Variants in SS18L1 observed in about 807,000 individuals in gnomAD.
The protein encoded by SS18L1 is calcium-responsive transactivator.
In SS18L1, 32 loss-of-function variants were observed where a neutral mutation model predicts 70.3. The observed-to-expected ratio is 0.46, with a 90% CI of 0.34 to 0.61. The LOEUF (loss-of-function observed/expected upper bound fraction) is 0.61. Ranked by LOEUF, SS18L1 falls within the 20% of genes least tolerant of loss-of-function variation. The pLI, the probability that SS18L1 is intolerant of heterozygous loss-of-function variation, is 0.01. For synonymous variants in SS18L1, 237 were observed against 229.7 expected (o/e 1.03, Z -0.29); for missense variants, 430 against 542.1 (o/e 0.79, Z 2.05).
At chr20:62,164,361 G>C (rs2057389828) in intron 7 of SS18L1, 115 bp downstream of exon 7, 1 of 1,112,484 alleles carries the variant, frequency 9.0e-7, no homozygotes, top group East Asian at 2.6e-5. Flanking sequence ...AGTCATTCCA[G>C]CTCAGGCCTG....
chr20:62,182,232 T>G lies in SS18L1; in HGVS notation c.*3024T>G, dbSNP rs2057722714. ...TGAACCTCTGATTTTGTCAGGGTTT[T>G]TCTACGTGTAGGCGTGAATAGGGGG... is the stretch of plus-strand genomic sequence containing the variant. On this transcript the variant is annotated 3_prime_UTR_variant, in exon 11 of 11. Coordinates refer to ENST00000331758, the MANE Select transcript of SS18L1 (RefSeq NM_198935.3). 1 of 218,380 alleles carries G rather than the reference T, an allele frequency of 4.6e-6. No homozygotes were observed. Among genetic ancestry groups the G allele is most frequent in the African/African-American group, 2.3e-5 (1 of 44,444 alleles). The allele number at this position is 218,380 out of a possible 1,614,324, so 13.5% of individuals were successfully genotyped here. A position where few individuals can be genotyped will look rare whatever the true frequency, so the allele number is the denominator to read the frequency against.
At chr20:62,162,535 T>A in intron 4 of SS18L1, 1 of 518,612 alleles carries the variant, frequency 1.9e-6, no homozygotes, top group Non-Finnish European at 3.3e-6. Context: ...AACTCTTGAC[T>A]TCAGGTGATC....
Position 62,165,418 on chromosome 20 carries a change from A to G in SS18L1, c.824-4A>G, listed in dbSNP as rs554339569. On this transcript the variant is annotated splice_region_variant and splice_polypyrimidine_tract_variant and intron_variant, in intron 7 of 10. Coordinates refer to ENST00000331758, the MANE Select transcript of SS18L1 (RefSeq NM_198935.3). ...CTGACTGTCGCCGTCTCCGTTTCGC[A>G]CAGGCCATGGCGATTACGCCTACCA... 3 of 1,610,914 alleles carry G rather than the reference A, an allele frequency of 1.9e-6. No individual in the cohort carries two copies. Among genetic ancestry groups the G allele is most frequent in the East Asian group, 4.5e-5 (2 of 44,812 alleles).
At chr20:62,163,033 CTGGGT>C in intron 5 of SS18L1, 102 bp downstream of exon 5, 7 of 1,469,614 alleles carry the variant, frequency 4.8e-6, no homozygotes, top group Non-Finnish European at 6.5e-6. Context: ...TGCCCTCCTG[CTGGGT>C]GCTGGAGGGG....
At chr20:62,173,141 G>T (rs1027685080) in intron 9 of SS18L1, among the ~76,000 whole-genome samples, 4 of 152,248 alleles carry the variant, frequency 2.6e-5, no homozygotes, top group African/African-American at 9.6e-5. Flanking sequence ...TGTGACGGGA[G>T]CCAGTGTCCC....
intron 10 of SS18L1, among the ~76,000 whole-genome samples, chr20:62,178,465 TTC>T (rs1313197198): frequency 6.6e-6 from 1 of 152,162 alleles, no homozygotes; most frequent in Non-Finnish European, 1.5e-5. Flanking sequence ...GGCTAATTTT[TTC>T]TCTTTTTTTG....
At chr20:62,169,658 A>G (rs2057495001) in intron 8 of SS18L1, among the ~76,000 whole-genome samples, 2 of 152,060 alleles carry the variant, frequency 1.3e-5, no homozygotes, top group African/African-American at 4.8e-5. Flanking sequence ...GCATGTCTGT[A>G]AAGCCAGCTG....
rs2056966493 is a variant in SS18L1, at chr20:62,143,784, AC to A, written c.-35del. 2.3e-6 allele frequency: 3 copies of A among 1,325,200 alleles called. No homozygotes were observed. In the East Asian group the frequency reaches 1.4e-4, roughly 61 times the overall value. The allele number at this position is 1,325,200 out of a possible 1,614,324, so 82.1% of individuals were successfully genotyped here. A position where few individuals can be genotyped will look rare whatever the true frequency, so the allele number is the denominator to read the frequency against. On this transcript the variant is annotated 5_prime_UTR_variant, in exon 1 of 11. Coordinates refer to ENST00000331758, the MANE Select transcript of SS18L1 (RefSeq NM_198935.3). ...GCCGCCCAGCGCAGCCGGAGTATCC[AC>A]CTCGATGACCACGGGCTGAGCCCCG...
chr20:62,173,242 TACAA>T, intron 9 of SS18L1, among the ~76,000 whole-genome samples: 1 of 152,280 alleles, frequency 6.6e-6, no homozygotes, highest in South Asian at 2.1e-4. Context: ...CACTGCAGCT[TACAA>T]TCACCCAGGA....
rs1248826819 is a variant in SS18L1 at position 62,158,997 on chromosome 20, C to T, written c.146+249C>T. ...CGGAGGCCAGATATGTCCCGAGAGT[C>T]CCCCAGCACGGAGGCCAGATATGTC... On this transcript the variant is annotated intron_variant, in intron 2 of 10. Transcript: ENST00000331758. The surrounding 1 kb of genome is among the most constrained non-coding windows in gnomAD (Gnocchi z 4.5). The T allele has an allele frequency of 1.4e-5, 21 of 1,512,606 alleles. No homozygotes were observed. The Admixed American group carries it at 3.5e-4, about 25-fold the overall frequency. The allele number at this position is 1,512,606 out of a possible 1,614,324, so 93.7% of individuals were successfully genotyped here. A position where few individuals can be genotyped will look rare whatever the true frequency, so the allele number is the denominator to read the frequency against.
chr20:62,151,342 C>G (rs562420995), intron 1 of SS18L1, among the ~76,000 whole-genome samples: 6 of 152,198 alleles, frequency 3.9e-5, no homozygotes, highest in African/African-American at 1.4e-4. Context: ...CCGTGTCCCC[C>G]GTCAGTCCCC....
chr20:62,169,735 C>G (rs962669424), intron 8 of SS18L1, among the ~76,000 whole-genome samples: 2 of 151,826 alleles, frequency 1.3e-5, no homozygotes, highest in Admixed American at 6.6e-5. Flanking sequence ...GCCAAGATCA[C>G]GCAACTGCAC....
intron 10 of SS18L1, among the ~76,000 whole-genome samples, chr20:62,178,016 CT>C (rs770157620): frequency 0.048 from 4,874 of 101,310 alleles, 159 homozygotes; most frequent in African/African-American, 0.12. Flanking sequence ...TGTGCCTGGC[CT>C]TTTTTTTTTT....
At position 62,158,459 on chromosome 20, in the gene SS18L1, T is replaced by G. The variant is rs1317503609; in HGVS notation, c.70-213T>G. 6.6e-6 allele frequency among the ~76,000 whole-genome samples: 1 copy of G among 151,808 alleles called. No homozygotes were observed. Among genetic ancestry groups the G allele is most frequent in the Non-Finnish European group, 1.5e-5 (1 of 67,976 alleles). On this transcript the variant is annotated intron_variant, in intron 1 of 10. Transcript: ENST00000331758. This position sits in a 1 kb window ranked among gnomAD's most constrained non-coding sequence, Gnocchi z 4.5. ...CATGAGGCTCAAAGGAAATGCTCATTGGAGCATTTTGGATTTCGGGTTTTC... is the reference window on the plus strand; with the variant it reads ...CATGAGGCTCAAAGGAAATGCTCATGGGAGCATTTTGGATTTCGGGTTTTC...
intron 7 of SS18L1, 100 bp from the exon 8 acceptor site, chr20:62,165,322 T>C: frequency 8.3e-7 from 1 of 1,206,618 alleles, no homozygotes. Flanking sequence ...GTTGCCTCCC[T>C]GGCCAGACAA....
chr20:62,173,587 A>G (rs925532521), intron 9 of SS18L1, among the ~76,000 whole-genome samples: 2 of 152,062 alleles, frequency 1.3e-5, no homozygotes, highest in African/African-American at 4.8e-5. Context: ...GTGGGGGCCT[A>G]TAGTCCCAGC....
Position 62,174,661 on chromosome 20 carries a change from T to C in SS18L1, c.1164+17T>C. ...TATGAACAGGCAAGCTTTCTGGATG[T>C]TTCCAGATGTGCCCATCCGCCGCGC... On this transcript the variant is annotated intron_variant, in intron 10 of 10. Transcript: ENST00000331758. The surrounding 1 kb of genome is among the most constrained non-coding windows in gnomAD (Gnocchi z 4.1). The C allele has an allele frequency of 6.2e-7, 1 of 1,613,326 alleles. No individual in the cohort carries two copies.
Position 62,179,704 on chromosome 20 carries a change from T to C in SS18L1, c.*496T>C, listed in dbSNP as rs1010959557. 12 of 125,178 alleles carry C rather than the reference T, an allele frequency of 9.6e-5. No homozygotes were observed. Among genetic ancestry groups the C allele is most frequent in the African/African-American group, 3.4e-4 (11 of 32,768 alleles). The allele number at this position is 125,178 out of a possible 1,614,324, so 7.8% of individuals were successfully genotyped here. A position where few individuals can be genotyped will look rare whatever the true frequency, so the allele number is the denominator to read the frequency against. ...CAGCCCCTGGAGGGCAGCCTCTTCC[T>C]GTGCCTCGATGGGGTGGGTGGGAGG... is the stretch of plus-strand genomic sequence containing the variant. On this transcript the variant is annotated 3_prime_UTR_variant, in exon 11 of 11. Transcript: ENST00000331758.
At chr20:62,151,656 G>A (rs990194041) in intron 1 of SS18L1, among the ~76,000 whole-genome samples, 6 of 152,178 alleles carry the variant, frequency 3.9e-5, no homozygotes, top group East Asian at 1.9e-4. Flanking sequence ...TCAACCACGC[G>A]GCTCCGGGAG....
Sources: allele counts gnomAD v4.1 joint callset (sites outside exome capture counted in the v4.1 genomes callset), GRCh38; gene constraint gnomAD v4.1.1; non-coding constraint Gnocchi (gnomAD v3.1); transcripts MANE v1.5; gene names NCBI Gene and HGNC (gene_info 2026-07-23, HGNC 2026-07-21).